Variants in MGMT observed in about 807,000 individuals in gnomAD.
MGMT encodes methylated-DNA--protein-cysteine methyltransferase.
Under a neutral mutation model 15.9 loss-of-function variants are expected in MGMT, and 14 were observed. The observed-to-expected ratio is 0.88, with a 90% CI of 0.58 to 1.37. The LOEUF (loss-of-function observed/expected upper bound fraction) is 1.37, where lower values mean the gene tolerates loss of function less well. Ranked by LOEUF, MGMT falls within the 40% of genes most tolerant of loss-of-function variation. The pLI is 0.00. For synonymous variants in MGMT, 130 were observed against 118.2 expected, an observed-to-expected ratio of 1.10 and a Z score of -0.65; for missense variants, 282 against 268.1, an observed-to-expected ratio of 1.05 and a Z score of -0.36.
intron 2 of MGMT, among the ~76,000 whole-genome samples, chr10:129,647,769 C>G (rs78882351): frequency 0.02 from 2,995 of 152,266 alleles, 37 homozygotes; most frequent in Middle Eastern, 0.058. Flanking sequence ...ATGACAATCA[C>G]GTCTTATGGT....
chr10:129,571,992 G>C (rs544967469), intron 2 of MGMT, among the ~76,000 whole-genome samples: 1 of 152,150 alleles, frequency 6.6e-6, no homozygotes. Flanking sequence ...GTGACACTCC[G>C]TGGAAGCATC....
At chr10:129,474,598 G>A (rs1052018948) in intron 1 of MGMT, among the ~76,000 whole-genome samples, 10 of 152,186 alleles carry the variant, frequency 6.6e-5, no homozygotes, top group African/African-American at 2.2e-4. Flanking sequence ...CTGCAGCCGC[G>A]TTCAGGCGAG....
At chr10:129,587,211 T>A (rs1846628216) in intron 2 of MGMT, among the ~76,000 whole-genome samples, 1 of 152,042 alleles carries the variant, frequency 6.6e-6, no homozygotes, top group Non-Finnish European at 1.5e-5. Context: ...GTTGGTGTGC[T>A]TGTCTTCATG....
chr10:129,721,733 T>C (rs1026793532), intron 3 of MGMT, among the ~76,000 whole-genome samples: 1 of 151,848 alleles, frequency 6.6e-6, no homozygotes, highest in African/African-American at 2.4e-5. Context: ...ATATTAAAAA[T>C]CCTAGAATAC....
At chr10:129,514,617 C>G (rs755731598) in intron 1 of MGMT, among the ~76,000 whole-genome samples, 5 of 152,022 alleles carry the variant, frequency 3.3e-5, no homozygotes, top group Non-Finnish European at 7.3e-5. Flanking sequence ...GTTGAAACCT[C>G]GCCCGTAAGT....
chr10:129,662,952 G>A (rs904612621), intron 2 of MGMT, among the ~76,000 whole-genome samples: 1 of 152,148 alleles, frequency 6.6e-6, no homozygotes, highest in Non-Finnish European at 1.5e-5. Flanking sequence ...TAGCAACACG[G>A]AAATTGTCAG....
chr10:129,617,513 C>T (rs1000327866), intron 2 of MGMT, among the ~76,000 whole-genome samples: 2 of 152,144 alleles, frequency 1.3e-5, no homozygotes, highest in Non-Finnish European at 2.9e-5. Flanking sequence ...AAACTGCTTT[C>T]CACAGTGGCT....
At chr10:129,512,294 C>T (rs961410712) in intron 1 of MGMT, among the ~76,000 whole-genome samples, 2 of 152,136 alleles carry the variant, frequency 1.3e-5, no homozygotes, top group Non-Finnish European at 2.9e-5. Flanking sequence ...TTTAAACACC[C>T]GCTTTAACTT....
At chr10:129,468,459 C>T (rs978145913) in intron 1 of MGMT, among the ~76,000 whole-genome samples, 8 of 152,080 alleles carry the variant, frequency 5.3e-5, no homozygotes, top group African/African-American at 1.9e-4. Context: ...TGTCTTTCTT[C>T]CTGGGCCCTC....
At chr10:129,641,088 A>G (rs1386653713) in intron 2 of MGMT, among the ~76,000 whole-genome samples, 1 of 152,258 alleles carries the variant, frequency 6.6e-6, no homozygotes, top group Non-Finnish European at 1.5e-5. Context: ...AACTTTATTT[A>G]TAGAAGGCAT....
chr10:129,500,108 T>C (rs1327278178), intron 1 of MGMT, among the ~76,000 whole-genome samples: 2 of 152,238 alleles, frequency 1.3e-5, no homozygotes, highest in Non-Finnish European at 2.9e-5. Context: ...CTTTTGAATA[T>C]GGACTCACAT....
chr10:129,646,057 A>AC (rs1379148771), intron 2 of MGMT, among the ~76,000 whole-genome samples: 1 of 152,140 alleles, frequency 6.6e-6, no homozygotes, highest in African/African-American at 2.4e-5. Context: ...CATTTGTTCA[A>AC]CATGCATGAT....
intron 2 of MGMT, among the ~76,000 whole-genome samples, chr10:129,674,512 C>T (rs554740466): frequency 6.6e-6 from 1 of 152,324 alleles, no homozygotes; most frequent in African/African-American, 2.4e-5. Context: ...CCACATGGAC[C>T]CCCTTGCTTA....
intron 3 of MGMT, among the ~76,000 whole-genome samples, chr10:129,716,570 G>A (rs898296820): frequency 5.3e-5 from 8 of 152,164 alleles, no homozygotes; most frequent in East Asian, 1.9e-4. Context: ...CAAGAGACAC[G>A]TCAGGACTTA....
chr10:129,612,797 C>T (rs1846976905), intron 2 of MGMT, among the ~76,000 whole-genome samples: 1 of 152,204 alleles, frequency 6.6e-6, no homozygotes, highest in Non-Finnish European at 1.5e-5. Context: ...GTTTCGGCAT[C>T]TCTGTAAAAT....
chr10:129,747,346 A>G (rs1193929405), intron 3 of MGMT, among the ~76,000 whole-genome samples: 1 of 152,166 alleles, frequency 6.6e-6, no homozygotes, highest in African/African-American at 2.4e-5. Flanking sequence ...TACAGTTGTC[A>G]GATTGAGGAT....
At chr10:129,701,125 C>T (rs1273141548) in intron 2 of MGMT, 1 of 152,160 alleles carries the variant, frequency 6.6e-6, no homozygotes. Flanking sequence ...TTTTCAGATC[C>T]CCACCAGTTT....
rs1008570008 is a variant in MGMT, at chr10:129,595,203, C to T, written c.125+58826C>T. ...ACAAAGAGGCATCCAGAATTCTCCT[C>T]GGCACAGGAGGGTGCAGCCATGGTG... On this transcript the variant is annotated intron_variant, in intron 2 of 4. Coordinates refer to ENST00000651593, the MANE Select transcript of MGMT (RefSeq NM_002412.5). Among the ~76,000 whole-genome samples the T allele has an allele frequency of 4.6e-5, 7 of 152,178 alleles. No homozygotes were observed. The East Asian group carries it at 5.8e-4, about 13-fold the overall frequency.
chr10:129,483,289 T>A (rs1037418840), intron 1 of MGMT, among the ~76,000 whole-genome samples: 3 of 152,206 alleles, frequency 2.0e-5, no homozygotes, highest in Admixed American at 1.3e-4. Flanking sequence ...GGGCAATCAG[T>A]TTTCTTTTAA....
Sources: allele counts gnomAD v4.1 joint callset (sites outside exome capture counted in the v4.1 genomes callset), GRCh38; gene constraint gnomAD v4.1.1; transcripts MANE v1.5; gene names NCBI Gene and HGNC (gene_info 2026-07-23, HGNC 2026-07-21).